FHIT: variants seen among roughly 807,000 people sequenced by gnomAD.
FHIT encodes the protein bis(5'-adenosyl)-triphosphatase.
FHIT carries 19 observed loss-of-function variants against 17.9 expected under a neutral mutation model. The observed-to-expected ratio is 1.06, with a 90% CI of 0.74 to 1.56. FHIT has a LOEUF of 1.56. Ranked by LOEUF, FHIT falls within the 40% of genes most tolerant of loss-of-function variation. The pLI is 0.00. For synonymous variants in FHIT, 81 were observed against 69.7 expected (o/e 1.16, Z -0.81); for missense variants, 248 against 189.2 (o/e 1.31, Z -1.82).
rs183541701 is a variant in FHIT at position 60,458,053 on chromosome 3, T to C, written c.103+78807A>G. Among the ~76,000 whole-genome samples the C allele has an allele frequency of 7.8e-3, 1,188 of 152,236 alleles. 20 individuals are homozygous for C. Among genetic ancestry groups the C allele is most frequent in the African/African-American group, 0.027 (1,119 of 41,558 alleles). On this transcript the variant is annotated intron_variant, in intron 5 of 9. Coordinates refer to ENST00000492590, the MANE Select transcript of FHIT (RefSeq NM_002012.4). Reference sequence around the variant, plus strand: ...TTCCTCAGGGATCCAGAACTAGAAATACCATTTGACCCAGCCATCCCATTA... The same window carrying C: ...TTCCTCAGGGATCCAGAACTAGAAACACCATTTGACCCAGCCATCCCATTA...
In FHIT at chr3:59,833,425, A is replaced by T. The variant is rs148231635; in HGVS notation, c.349-81104T>A. On this transcript the variant is annotated intron_variant, in intron 8 of 9. Coordinates refer to ENST00000492590, the MANE Select transcript of FHIT (RefSeq NM_002012.4). ...GGAGTGATGCAGCTACAAGCCAAGGAACATCAAAGATCGCTGGCAAACTAC... is the reference window on the plus strand; with the variant it reads ...GGAGTGATGCAGCTACAAGCCAAGGTACATCAAAGATCGCTGGCAAACTAC... Among the ~76,000 whole-genome samples, 936 of 152,314 alleles carry T rather than the reference A, an allele frequency of 6.1e-3. 10 individuals are homozygous for T. Among genetic ancestry groups the T allele is most frequent in the African/African-American group, 0.019 (795 of 41,576 alleles).
intron 5 of FHIT, among the ~76,000 whole-genome samples, chr3:60,302,817 G>C (rs1030632976): frequency 6.6e-6 from 1 of 152,068 alleles, no homozygotes; most frequent in Non-Finnish European, 1.5e-5. Flanking sequence ...GACTGAAATG[G>C]CTAGGCTCAA....
At chr3:61,011,752 G>A (rs2031802897) in intron 3 of FHIT, among the ~76,000 whole-genome samples, 1 of 152,062 alleles carries the variant, frequency 6.6e-6, no homozygotes. Context: ...CATTGCTCCT[G>A]AGAAAAAAGT....
intron 5 of FHIT, among the ~76,000 whole-genome samples, chr3:60,363,925 C>T (rs1313113908): frequency 6.6e-6 from 1 of 152,144 alleles, no homozygotes; most frequent in African/African-American, 2.4e-5. Flanking sequence ...AGGCTCTTCT[C>T]CACACTTCTG....
intron 4 of FHIT, among the ~76,000 whole-genome samples, chr3:60,579,355 G>A (rs1326050402): frequency 6.6e-6 from 1 of 152,030 alleles, no homozygotes; most frequent in African/African-American, 2.4e-5. Flanking sequence ...TATAGAAAAG[G>A]TACAGTAAAA....
At chr3:59,855,482 C>T (rs748274370) in intron 8 of FHIT, among the ~76,000 whole-genome samples, 8 of 152,064 alleles carry the variant, frequency 5.3e-5, no homozygotes, top group Non-Finnish European at 7.4e-5. Context: ...TTATGCTATC[C>T]TCACAAACTT....
intron 3 of FHIT, among the ~76,000 whole-genome samples, chr3:60,875,770 T>C (rs916441766): frequency 1.3e-5 from 2 of 152,124 alleles, no homozygotes; most frequent in African/African-American, 2.4e-5. Context: ...CTCTACTTTA[T>C]AGGTGAGGAA....
At chr3:61,106,604 T>C (rs917612298) in intron 2 of FHIT, among the ~76,000 whole-genome samples, 2 of 152,200 alleles carry the variant, frequency 1.3e-5, no homozygotes, top group African/African-American at 2.4e-5. Flanking sequence ...TATGTATGCA[T>C]TGTTAAATGG....
intron 2 of FHIT, among the ~76,000 whole-genome samples, chr3:61,045,394 G>A (rs981482365): frequency 4.6e-5 from 7 of 152,182 alleles, no homozygotes; most frequent in Non-Finnish European, 8.8e-5. Flanking sequence ...GACAAAGAAG[G>A]CCGTTACATA....
intron 5 of FHIT, among the ~76,000 whole-genome samples, chr3:60,160,887 AG>A (rs1461214205): frequency 1.1e-4 from 16 of 152,248 alleles, no homozygotes; most frequent in African/African-American, 1.4e-4. Context: ...CTCCTGAAGT[AG>A]GAACAACAGA....
chr3:61,233,546 A>C (rs1046326707), intron 1 of FHIT, among the ~76,000 whole-genome samples: 1 of 152,256 alleles, frequency 6.6e-6, no homozygotes, highest in East Asian at 1.9e-4. Context: ...GTTACAAAAC[A>C]GTATATAAAT....
intron 4 of FHIT, among the ~76,000 whole-genome samples, chr3:60,570,737 T>TAAAAAAAAAAAAAAAAAA (rs10637926): frequency 1.5e-5 from 2 of 132,516 alleles, no homozygotes; most frequent in Non-Finnish European, 1.6e-5. Context: ...ATTAAAAAAT[T>TAAAAAAAAAAAAAAAAAA]AAAAAAAAAA....
intron 8 of FHIT, among the ~76,000 whole-genome samples, chr3:59,890,956 T>C (rs1703829720): frequency 1.3e-5 from 2 of 152,206 alleles, no homozygotes; most frequent in South Asian, 2.1e-4. Flanking sequence ...TGAGAAGAGA[T>C]GGCCCTAAGT....
At chr3:61,210,975 C>A (rs562217031) in intron 1 of FHIT, among the ~76,000 whole-genome samples, 1 of 151,744 alleles carries the variant, frequency 6.6e-6, no homozygotes, top group Non-Finnish European at 1.5e-5. Context: ...TGACATATAA[C>A]AAATTATCCA....
chr3:60,834,444 G>A (rs1350399531), intron 3 of FHIT, among the ~76,000 whole-genome samples: 17 of 152,058 alleles, frequency 1.1e-4, no homozygotes, highest in Admixed American at 8.5e-4. Context: ...TAATTGAGTT[G>A]CTTGGATTTT....
intron 3 of FHIT, among the ~76,000 whole-genome samples, chr3:60,913,029 G>A (rs782702816): frequency 6.6e-6 from 1 of 152,174 alleles, no homozygotes; most frequent in Non-Finnish European, 1.5e-5. Flanking sequence ...GCTTAGTGCA[G>A]AGCCTGTTTC....
intron 4 of FHIT, among the ~76,000 whole-genome samples, chr3:60,599,185 T>C (rs1047409236): frequency 6.6e-6 from 1 of 152,140 alleles, no homozygotes; most frequent in African/African-American, 2.4e-5. Context: ...GCTCATATAC[T>C]CTGTAATAAC....
At chr3:60,004,539 C>T (rs1025559049) in intron 7 of FHIT, among the ~76,000 whole-genome samples, 5 of 152,014 alleles carry the variant, frequency 3.3e-5, no homozygotes, top group Admixed American at 2.6e-4. Flanking sequence ...AACATTATTC[C>T]AAGCAGAGCA....
At chr3:60,278,583 A>G (rs1216626067) in intron 5 of FHIT, among the ~76,000 whole-genome samples, 1 of 152,152 alleles carries the variant, frequency 6.6e-6, no homozygotes, top group Non-Finnish European at 1.5e-5. Flanking sequence ...ACTCTATTGA[A>G]TAAGGAGCTC....
Sources: allele counts gnomAD v4.1 joint callset (sites outside exome capture counted in the v4.1 genomes callset), GRCh38; gene constraint gnomAD v4.1.1; transcripts MANE v1.5; gene names NCBI Gene and HGNC (gene_info 2026-07-23, HGNC 2026-07-21).